NLGN3: variants seen among roughly 807,000 people sequenced by gnomAD.
NLGN3 encodes the protein neuroligin-3.
NLGN3 carries 11 observed loss-of-function variants against 42.9 expected under a neutral mutation model. The ratio of observed to expected loss-of-function variants is 0.26; its 90% confidence interval spans 0.16 to 0.42. The LOEUF (loss-of-function observed/expected upper bound fraction) is 0.42. Ranked by LOEUF, NLGN3 falls within the 10% of genes least tolerant of loss-of-function variation. NLGN3 has a pLI of 1.00. For missense variants in NLGN3, 374 were observed against 733.8 expected, an observed-to-expected ratio of 0.51 and a Z score of 5.67; for synonymous variants, 279 against 312.7, an observed-to-expected ratio of 0.89 and a Z score of 1.14.
intron 3 of NLGN3, 131 bp downstream of exon 3, chrX:71,149,036 C>A (rs1302326809): frequency 1.8e-5 from 7 of 390,169 alleles, no homozygotes; most frequent in Non-Finnish European, 3.1e-5. Context: ...GCATAAGCGC[C>A]ACCTCATCTG....
chrX:71,145,814 G>A (rs1294666893), intron 1 of NLGN3, among the ~76,000 whole-genome samples: 1 of 99,562 alleles, frequency 1.0e-5, no homozygotes, highest in Non-Finnish European at 2.0e-5. Context: ...TAATGTGGGG[G>A]GGTTGCTGGT....
Position 71,170,246 on chromosome X carries a change from CACAA to C in NLGN3, c.*153_*156del, listed in dbSNP as rs1211086689. 9.6e-6 allele frequency: 11 copies of C among 1,142,840 alleles called. No homozygotes were observed. The Admixed American group carries it at 1.8e-4, about 19-fold the overall frequency. 94.2% of individuals were successfully genotyped at this position (1,142,840 alleles called of 1,213,427 possible). Reference sequence around the variant, plus strand: ...CCACACCCTACAGCAGATCCACCTGCACAAACATAGACAGATGTGGACATGCACC... The same window carrying C: ...CCACACCCTACAGCAGATCCACCTGCACATAGACAGATGTGGACATGCACC... On this transcript the variant is annotated 3_prime_UTR_variant, in exon 8 of 8. Transcript: ENST00000358741.
Position 71,169,647 on chromosome X carries a change from G to A in NLGN3, c.2097G>A (p.Glu699=). 4 of 1,212,028 alleles carry A rather than the reference G, an allele frequency of 3.3e-6. No homozygotes were observed. Among genetic ancestry groups the A allele is most frequent in the Non-Finnish European group, 4.5e-6 (4 of 895,552 alleles). The change falls in exon 8 of 8, where the codon GAG becomes GAA. Residue 699 remains glutamate (E), a synonymous_variant. Coordinates refer to ENST00000358741, the MANE Select transcript of NLGN3 (RefSeq NM_181303.2). ...AGGATGCAGGGCCACTCCTGGTGGA[G>A]AACCCTCGTGACTACTCCACTGAAT... is the stretch of plus-strand genomic sequence containing the variant. ...GDQDAGPLLV[E]NPRDYSTELS...
chrX:71,161,923 C>A (rs1197999193), intron 5 of NLGN3, among the ~76,000 whole-genome samples: 3 of 112,972 alleles, frequency 2.7e-5, no homozygotes, highest in Admixed American at 1.9e-4. Context: ...ATGTTTGACA[C>A]ATTTCAGTAA....
chrX:71,168,779 GAAGAAAGA>G (rs199672430), intron 7 of NLGN3, among the ~76,000 whole-genome samples: 2 of 54,146 alleles, frequency 3.7e-5, no homozygotes, highest in African/African-American at 2.2e-4. Context: ...AAGAAAAAGG[GAAGAAAGA>G]AAGAAAGAGA....
chrX:71,149,006 G>T, intron 3 of NLGN3, 101 bp downstream of exon 3: 1 of 484,846 alleles, frequency 2.1e-6, no homozygotes, highest in Non-Finnish European at 3.3e-6. Flanking sequence ...AGTAGCCCAG[G>T]CTCAGGGGGC....
At chrX:71,162,098 G>A (rs2092432299) in intron 5 of NLGN3, among the ~76,000 whole-genome samples, 1 of 110,878 alleles carries the variant, frequency 9.0e-6, no homozygotes, top group African/African-American at 3.3e-5. Flanking sequence ...ATGGTCAACA[G>A]AGTTGGGGTT....
chrX:71,150,363 G>A, intron 3 of NLGN3, among the ~76,000 whole-genome samples: 1 of 111,479 alleles, frequency 9.0e-6, no homozygotes, highest in Non-Finnish European at 1.9e-5. Context: ...TCTGGCCTTA[G>A]CATTCCATTA....
chrX:71,171,318 T>C (rs1458495687), downstream of NLGN3: 1 of 106,803 alleles, frequency 9.4e-6, no homozygotes, highest in African/African-American at 5.2e-5. Context: ...AAGCTGAGTC[T>C]GGGCTGCACT....
chrX:71,172,787 G>A (rs928415817), downstream of NLGN3, among the ~76,000 whole-genome samples: 6 of 110,932 alleles, frequency 5.4e-5, no homozygotes, highest in East Asian at 5.6e-4. Context: ...CCTGTTCTCC[G>A]TTTCTTTTGA....
chrX:71,168,721 CAA>C (rs60203125), intron 7 of NLGN3, among the ~76,000 whole-genome samples: 2 of 17,427 alleles, frequency 1.1e-4, no homozygotes, highest in Non-Finnish European at 1.1e-4. Flanking sequence ...GACTCTGTCT[CAA>C]AAAAAAAAAA....
chrX:71,174,555 G>A (rs1393470690), downstream of NLGN3, among the ~76,000 whole-genome samples: 5 of 111,894 alleles, frequency 4.5e-5, no homozygotes, highest in African/African-American at 1.6e-4. Context: ...CATGGATTCA[G>A]GAAAAACAAA....
downstream of NLGN3, among the ~76,000 whole-genome samples, chrX:71,173,554 G>A (rs760315888): frequency 3.6e-5 from 4 of 112,256 alleles, no homozygotes; most frequent in Admixed American, 9.4e-5. Flanking sequence ...GCCTAGATTC[G>A]GTCAGTCCAC....
At chrX:71,166,914 T>G in intron 6 of NLGN3, 97 bp from the exon 7 acceptor site, 1 of 811,767 alleles carries the variant, frequency 1.2e-6, no homozygotes, top group Non-Finnish European at 1.8e-6. Flanking sequence ...TCCTAGCCCA[T>G]TTAAACCATG....
In NLGN3 at chrX:71,148,872, C is replaced by A; in HGVS notation, c.484C>A (p.Arg162=). ...DVKRISKECA[R]KPNKKICRKG... is the part of the protein sequence containing the mutation. ...AAAGCGGATTTCCAAGGAATGCGCC[C>A]GAAAGCCCAACAAGAAAATTTGTAG... The change falls in exon 3 of 8, where the codon CGA becomes AGA. Residue 162 remains arginine (R), a synonymous_variant. Coordinates refer to ENST00000358741, the MANE Select transcript of NLGN3 (RefSeq NM_181303.2). 1.8e-6 allele frequency: 2 copies of A among 1,131,569 alleles called. No individual in the cohort carries two copies. The highest frequency in any genetic ancestry group is 2.4e-4 in the Middle Eastern group (1 of 4,112). The allele number at this position is 1,131,569 out of a possible 1,213,427, so 93.3% of individuals were successfully genotyped here.
intron 6 of NLGN3, 133 bp downstream of exon 6, chrX:71,164,461 T>C (rs2092440323): frequency 1.6e-6 from 1 of 616,782 alleles, no homozygotes. Flanking sequence ...TGGCAAGAAG[T>C]GGAAGAGAAA....
At chrX:71,168,685 G>A (rs773575619) in intron 7 of NLGN3, among the ~76,000 whole-genome samples, 4 of 93,726 alleles carry the variant, frequency 4.3e-5, no homozygotes, top group African/African-American at 8.3e-5. Context: ...TTGCCCCACC[G>A]CACTCCAGCC....
chrX:71,158,414 C>T (rs1251526892), intron 5 of NLGN3, among the ~76,000 whole-genome samples: 5 of 112,088 alleles, frequency 4.5e-5, no homozygotes, highest in Non-Finnish European at 9.4e-5. Context: ...GAGGAATGAA[C>T]GCGCAAATGT....
Position 71,164,155 on chromosome X carries a change from C to G in NLGN3, c.740C>G (p.Thr247Ser). The G allele has an allele frequency of 8.2e-7, 1 of 1,212,268 alleles. No homozygotes were observed. The change falls in exon 6 of 8, where the codon ACT (threonine) becomes AGT (serine). Residue 247 changes from threonine (T) to serine (S), a missense_variant. Thr to Ser is a moderately conservative substitution (Grantham distance 58). Around this residue, in one of 6 missense-constraint regions of NLGN3, gnomAD observed 28 missense variants for 48.2 expected, o/e 0.58. Transcript: ENST00000358741. Reference sequence around the variant, plus strand: ...TTGTTGAATCCAGGTTTCCTGAGTACTGGAGATCAGGCTGCCAAGGGCAAC... The same window carrying G: ...TTGTTGAATCCAGGTTTCCTGAGTAGTGGAGATCAGGCTGCCAAGGGCAAC... ...YRVGVLGFLS[T>S]GDQAAKGNYG...
Sources: gnomAD v4.1 joint callset for allele counts (sites outside exome capture counted in the v4.1 genomes callset) on GRCh38, gnomAD v4.1.1 for gene constraint, gnomAD v4.1.1 regional missense constraint, MANE v1.5 for transcripts, NCBI Gene and HGNC (gene_info 2026-07-23, HGNC 2026-07-21) for gene names.